TMEM163: variants seen among roughly 807,000 people sequenced by gnomAD.
The protein encoded by TMEM163 is transmembrane protein 163.
Under a neutral mutation model 29.3 loss-of-function variants are expected in TMEM163, and 17 were observed. That is an observed-to-expected ratio of 0.58 (90% CI 0.40 to 0.87). The LOEUF (loss-of-function observed/expected upper bound fraction) is 0.87. Among genes scored for constraint, TMEM163 ranks in the 40% least tolerant of loss-of-function variants. The pLI, the probability that TMEM163 is intolerant of heterozygous loss-of-function variation, is 0.00. For synonymous variants in TMEM163, 157 were observed against 160.6 expected (o/e 0.98, Z 0.17); for missense variants, 303 against 381.5 (o/e 0.79, Z 1.71).
At chr2:134,685,204 T>C (rs1192416013) in intron 2 of TMEM163, among the ~76,000 whole-genome samples, 1 of 152,220 alleles carries the variant, frequency 6.6e-6, no homozygotes, top group Non-Finnish European at 1.5e-5. Flanking sequence ...AGCCACTCAT[T>C]GCATCTTAAA....
chr2:134,707,989 C>T (rs902411963), intron 2 of TMEM163, among the ~76,000 whole-genome samples: 18 of 150,786 alleles, frequency 1.2e-4, no homozygotes, highest in Admixed American at 8.0e-4. Context: ...CTGGTTCAGG[C>T]GATTCTCCTA....
chr2:134,695,556 T>C (rs1278007741), intron 2 of TMEM163, among the ~76,000 whole-genome samples: 2 of 152,088 alleles, frequency 1.3e-5, no homozygotes, highest in Non-Finnish European at 2.9e-5. Flanking sequence ...TAGAAAGACA[T>C]GAAACTACCT....
At chr2:134,555,071 C>G (rs1176570625) in intron 2 of TMEM163, among the ~76,000 whole-genome samples, 1 of 152,208 alleles carries the variant, frequency 6.6e-6, no homozygotes, top group Non-Finnish European at 1.5e-5. Context: ...AACTCCCCAA[C>G]TCTTGCTACT....
At chr2:134,684,283 C>T (rs980779805) in intron 2 of TMEM163, among the ~76,000 whole-genome samples, 1 of 152,106 alleles carries the variant, frequency 6.6e-6, no homozygotes, top group Admixed American at 6.5e-5. Context: ...CAAGCATAAA[C>T]CTTACCATCG....
At chr2:134,656,765 C>CAAAATA (rs1683630098) in intron 2 of TMEM163, among the ~76,000 whole-genome samples, 1 of 152,158 alleles carries the variant, frequency 6.6e-6, no homozygotes, top group Non-Finnish European at 1.5e-5. Flanking sequence ...TGAGATATAT[C>CAAAATA]CCTTCAGTGC....
intron 5 of TMEM163, among the ~76,000 whole-genome samples, chr2:134,495,206 C>A (rs1679523167): frequency 6.6e-6 from 1 of 152,174 alleles, no homozygotes; most frequent in African/African-American, 2.4e-5. Context: ...GGCTTGGCCA[C>A]AAGTGGCTAG....
intron 2 of TMEM163, among the ~76,000 whole-genome samples, chr2:134,605,731 G>GGAGGA (rs1173440813): frequency 1.3e-5 from 2 of 151,666 alleles, no homozygotes; most frequent in East Asian, 1.9e-4. Context: ...GGAGGGGAGG[G>GGAGGA]GAGGAGAGGA....
At chr2:134,601,398 G>A (rs907435534) in intron 2 of TMEM163, among the ~76,000 whole-genome samples, 1 of 152,192 alleles carries the variant, frequency 6.6e-6, no homozygotes, top group South Asian at 2.1e-4. Context: ...CATCGCCAGC[G>A]ATCCATCTGG....
At chr2:134,552,882 A>T (rs769600967) in intron 2 of TMEM163, among the ~76,000 whole-genome samples, 4 of 150,042 alleles carry the variant, frequency 2.7e-5, no homozygotes, top group Non-Finnish European at 5.9e-5. Flanking sequence ...CTAGTTTCGA[A>T]CTCCTGATCT....
At chr2:134,503,577 T>A (rs1679749081) in intron 4 of TMEM163, among the ~76,000 whole-genome samples, 1 of 152,210 alleles carries the variant, frequency 6.6e-6, no homozygotes. Context: ...GATATGACGT[T>A]GATAGACCCC....
intron 2 of TMEM163, among the ~76,000 whole-genome samples, chr2:134,700,933 A>AATACATACATAAATAC (rs1241395014): frequency 6.0e-5 from 5 of 82,744 alleles, no homozygotes; most frequent in African/African-American, 4.4e-4. Context: ...TAAATAAATA[A>AATACATACATAAATAC]ATAAATAAAT....
intron 2 of TMEM163, among the ~76,000 whole-genome samples, chr2:134,698,548 T>C (rs1271173018): frequency 6.6e-6 from 1 of 152,182 alleles, no homozygotes; most frequent in Non-Finnish European, 1.5e-5. Context: ...CATATCTTTT[T>C]CTCTTTCATT....
chr2:134,564,015 C>T (rs1180434845), intron 2 of TMEM163, among the ~76,000 whole-genome samples: 1 of 152,192 alleles, frequency 6.6e-6, no homozygotes, highest in Non-Finnish European at 1.5e-5. Context: ...CATGCCACTA[C>T]ACTCCAGCCT....
intron 5 of TMEM163, among the ~76,000 whole-genome samples, chr2:134,484,125 G>A (rs1679263339): frequency 6.6e-6 from 1 of 152,034 alleles, no homozygotes; most frequent in Non-Finnish European, 1.5e-5. Flanking sequence ...TGGCTGACAG[G>A]GTAAGAATCC....
At chr2:134,660,550 C>A (rs1683723466) in intron 2 of TMEM163, among the ~76,000 whole-genome samples, 1 of 152,180 alleles carries the variant, frequency 6.6e-6, no homozygotes, top group Non-Finnish European at 1.5e-5. Flanking sequence ...CAATTCCTTT[C>A]CTTATCCAAA....
At chr2:134,621,212 T>C (rs531372083) in intron 2 of TMEM163, among the ~76,000 whole-genome samples, 1 of 152,276 alleles carries the variant, frequency 6.6e-6, no homozygotes, top group East Asian at 1.9e-4. Flanking sequence ...ACATGGCTAA[T>C]AAGCACATGA....
intron 2 of TMEM163, among the ~76,000 whole-genome samples, chr2:134,625,704 C>A (rs1188651356): frequency 6.6e-6 from 1 of 152,166 alleles, no homozygotes; most frequent in Non-Finnish European, 1.5e-5. Flanking sequence ...CTATGTTATT[C>A]CTGAATAGTG....
chr2:134,707,303 G>A (rs368482811), intron 2 of TMEM163, among the ~76,000 whole-genome samples: 12 of 152,266 alleles, frequency 7.9e-5, no homozygotes, highest in African/African-American at 2.4e-4. Flanking sequence ...CATGAGGAGC[G>A]GCCAGAAGTG....
chr2:134,698,124 G>C (rs772467308), intron 2 of TMEM163, among the ~76,000 whole-genome samples: 8 of 152,164 alleles, frequency 5.3e-5, no homozygotes, highest in Non-Finnish European at 1.2e-4. Context: ...TGTACTCTAC[G>C]ATGTTTAACA....
Sources: gnomAD v4.1 joint callset for allele counts (sites outside exome capture counted in the v4.1 genomes callset) on GRCh38, gnomAD v4.1.1 for gene constraint, MANE v1.5 for transcripts, NCBI Gene and HGNC (gene_info 2026-07-23, HGNC 2026-07-21) for gene names.